The following SECISBP2 variants were observed in gnomAD, a reference collection of about 807,000 sequenced individuals.
SECISBP2 encodes selenocysteine insertion sequence-binding protein 2.
A neutral mutation model predicts 98.2 loss-of-function variants in SECISBP2; 96 were observed. The observed-to-expected ratio is 0.98, with a 90% CI of 0.83 to 1.16. The LOEUF (loss-of-function observed/expected upper bound fraction) is 1.16, where lower values mean the gene tolerates loss of function less well. SECISBP2 is among the 50% of genes most tolerant of loss of function. SECISBP2 has a pLI of 0.00. For synonymous variants in SECISBP2, 407 were observed against 370.2 expected (o/e 1.10, Z -1.14); for missense variants, 1,046 against 1,022.9 (o/e 1.02, Z -0.31).
At chr9:89,347,791 C>G (rs572837974) in intron 11 of SECISBP2, among the ~76,000 whole-genome samples, 1 of 152,216 alleles carries the variant, frequency 6.6e-6, no homozygotes, top group Non-Finnish European at 1.5e-5. Context: ...TGAATTCTTA[C>G]AGCAGCCTGT....
chr9:89,336,080 G>GTTTTTT (rs1564372011), intron 7 of SECISBP2, among the ~76,000 whole-genome samples: 1 of 44,560 alleles, frequency 2.2e-5, no homozygotes, highest in Non-Finnish European at 4.6e-5. Context: ...AATTTTAAGT[G>GTTTTTT]CTTTTTTTTT....
downstream of SECISBP2, chr9:89,363,312 C>A: frequency 6.9e-7 from 1 of 1,444,702 alleles, no homozygotes. Context: ...TGCTCCGGGG[C>A]TAAGAGGGAA....
At chr9:89,336,441 G>A (rs1828731593) in intron 7 of SECISBP2, among the ~76,000 whole-genome samples, 1 of 151,904 alleles carries the variant, frequency 6.6e-6, no homozygotes. Flanking sequence ...GATATATTAT[G>A]TTAGCTTGAA....
At chr9:89,363,854 T>C (rs575591429), downstream of SECISBP2, 16 of 1,614,132 alleles carry the variant, frequency 9.9e-6, no homozygotes, top group South Asian at 1.5e-4. Flanking sequence ...GCTGAGTGCA[T>C]GGGCCCTGCC....
Position 89,347,465 on chromosome 9 carries a change from CTTT to C in SECISBP2, c.1602+439_1602+441del, listed in dbSNP as rs1184563393. Among the ~76,000 whole-genome samples, 751 of 87,356 alleles carry C rather than the reference CTTT, an allele frequency of 8.6e-3. 3 individuals are homozygous for C. The highest frequency in any genetic ancestry group is 0.02 in the South Asian group (52 of 2,560). The allele number at this position is 87,356 out of a possible 152,430, so 57.3% of individuals were successfully genotyped here. ...CAGTCACAGGCTCCTCCGGTGAATT[CTTT>C]TTTTTTTTTTTTTTTTTTTTTGAGA... On this transcript the variant is annotated intron_variant, in intron 11 of 16. Coordinates refer to ENST00000375807, the MANE Select transcript of SECISBP2 (RefSeq NM_024077.5).
At chr9:89,338,720 T>TAGCC in intron 8 of SECISBP2, 140 bp downstream of exon 8, 1 of 857,338 alleles carries the variant, frequency 1.2e-6, no homozygotes, top group Admixed American at 2.7e-5. Flanking sequence ...AAGAAAACAG[T>TAGCC]AGCCACTCTT....
chr9:89,333,934 G>A, intron 6 of SECISBP2: 1 of 720,168 alleles, frequency 1.4e-6, no homozygotes, highest in Non-Finnish European at 1.7e-6. Flanking sequence ...GAGGGGAACA[G>A]TCTGTTTTAC....
intron 3 of SECISBP2, 54 bp downstream of exon 3, chr9:89,325,730 A>C (rs1394576469): frequency 6.2e-7 from 1 of 1,610,678 alleles, no homozygotes; most frequent in Non-Finnish European, 8.5e-7. Context: ...TTAATGTTTA[A>C]AATGTAAAGA....
intron 6 of SECISBP2, among the ~76,000 whole-genome samples, chr9:89,333,546 G>A (rs141885637): frequency 7.5e-4 from 114 of 152,166 alleles, no homozygotes; most frequent in Non-Finnish European, 1.4e-3. Flanking sequence ...CCTGCCTCAC[G>A]GTCCTGCCTC....
intron 6 of SECISBP2, 135 bp downstream of exon 6, chr9:89,333,121 C>T: frequency 1.3e-6 from 1 of 748,448 alleles, no homozygotes; most frequent in Non-Finnish European, 2.3e-6. Context: ...AACCTAACAT[C>T]AGTGTTAGTT....
At chr9:89,362,085 C>T, downstream of SECISBP2, 4 of 534,412 alleles carry the variant, frequency 7.5e-6, no homozygotes, top group Non-Finnish European at 1.4e-5. Flanking sequence ...ACACACCCTG[C>T]TGTTTTAGTT....
At chr9:89,346,791 C>A in intron 10 of SECISBP2, 91 bp from the exon 11 acceptor site, 7 of 1,511,316 alleles carry the variant, frequency 4.6e-6, no homozygotes, top group South Asian at 1.1e-5. Context: ...CCTTCAGATA[C>A]CCTGAGGCAG....
chr9:89,346,125 CAG>C (rs369839381), intron 10 of SECISBP2, among the ~76,000 whole-genome samples: 111 of 152,290 alleles, frequency 7.3e-4, no homozygotes, highest in Admixed American at 4.2e-3. Context: ...ACGATGGACA[CAG>C]GGGGTTTGTT....
At position 89,341,047 on chromosome 9, in the gene SECISBP2, A is replaced by G. The variant is rs1226593581; in HGVS notation, c.1303-300A>G. Among the ~76,000 whole-genome samples the G allele has an allele frequency of 1.6e-4, 24 of 152,032 alleles. 1 individual carries two copies. The highest frequency in any genetic ancestry group is 1.5e-5 in the Non-Finnish European group (1 of 68,018). ...CAGACTTTGTAGCCAAAGACTTTAT[A>G]CAAGTGCTAGTGTCTTGCCTGTAGA... On this transcript the variant is annotated intron_variant, in intron 9 of 16. Transcript: ENST00000375807.
chr9:89,339,753 TA>T, intron 8 of SECISBP2, 110 bp from the exon 9 acceptor site: 1 of 797,802 alleles, frequency 1.3e-6, no homozygotes, highest in Non-Finnish European at 2.1e-6. Context: ...CTTTTTTTTT[TA>T]AATCACTTTT....
At chr9:89,333,723 A>G (rs2131709051) in intron 6 of SECISBP2, among the ~76,000 whole-genome samples, 1 of 152,376 alleles carries the variant, frequency 6.6e-6, no homozygotes. Context: ...GTCCTGGCCA[A>G]GAAGTAATAT....
downstream of SECISBP2, chr9:89,362,207 C>T (rs985036286): frequency 4.8e-6 from 4 of 827,930 alleles, no homozygotes; most frequent in South Asian, 1.6e-5. Flanking sequence ...CTGTCACAGG[C>T]CCACTTGGGT....
intron 7 of SECISBP2, among the ~76,000 whole-genome samples, chr9:89,336,108 T>TTTTC (rs1554720204): frequency 1.5e-5 from 2 of 133,570 alleles, no homozygotes; most frequent in African/African-American, 2.7e-5. Flanking sequence ...TTTTTTTTTT[T>TTTTC]CACTGCAGCT....
chr9:89,319,337 A>G (rs1041598347), intron 1 of SECISBP2, among the ~76,000 whole-genome samples: 3 of 152,178 alleles, frequency 2.0e-5, no homozygotes, highest in Non-Finnish European at 2.9e-5. Context: ...GTGCAGTTCT[A>G]TTATTTCTAA....
Sources: gnomAD v4.1 joint callset for allele counts (sites outside exome capture counted in the v4.1 genomes callset) on GRCh38, gnomAD v4.1.1 for gene constraint, MANE v1.5 for transcripts, NCBI Gene and HGNC (gene_info 2026-07-23, HGNC 2026-07-21) for gene names.